Variants in SENP5 observed in about 807,000 individuals in gnomAD.
SENP5 encodes sentrin-specific protease 5.
In SENP5, 21 loss-of-function variants were observed where a neutral mutation model predicts 74.2. That is an observed-to-expected ratio of 0.28 (90% CI 0.20 to 0.41). SENP5 has a LOEUF of 0.41. Ranked by LOEUF, SENP5 falls within the 10% of genes least tolerant of loss-of-function variation. The pLI, the probability that SENP5 is intolerant of heterozygous loss-of-function variation, is 1.00. For synonymous variants in SENP5, 311 were observed against 312.7 expected (o/e 0.99, Z 0.06); for missense variants, 717 against 889.1 (o/e 0.81, Z 2.46).
chr3:196,874,905 T>C (rs189764774), intron 1 of SENP5, among the ~76,000 whole-genome samples: 1 of 152,230 alleles, frequency 6.6e-6, no homozygotes, highest in Non-Finnish European at 1.5e-5. Context: ...CTTGGGCTAT[T>C]GCCCTAGGGT....
intron 2 of SENP5, among the ~76,000 whole-genome samples, chr3:196,896,424 A>G (rs569080888): frequency 6.6e-6 from 1 of 151,874 alleles, no homozygotes; most frequent in South Asian, 2.1e-4. Context: ...CAACCTCTCA[A>G]AGCTTCTAAT....
At chr3:196,898,652 C>T (rs1451368430) in intron 2 of SENP5, among the ~76,000 whole-genome samples, 3 of 151,962 alleles carry the variant, frequency 2.0e-5, no homozygotes, top group African/African-American at 7.3e-5. Flanking sequence ...TGGTGGCTCA[C>T]GCCTGTAATC....
intron 1 of SENP5, among the ~76,000 whole-genome samples, chr3:196,877,320 A>G (rs891051836): frequency 6.6e-6 from 1 of 152,068 alleles, no homozygotes; most frequent in East Asian, 1.9e-4. Context: ...GAAGCTGGCC[A>G]TTACTGGTGC....
intron 9 of SENP5, 57 bp downstream of exon 9, chr3:196,929,740 G>A: frequency 4.3e-6 from 5 of 1,174,992 alleles, no homozygotes; most frequent in Non-Finnish European, 6.4e-6. Context: ...CTGTTGGGTT[G>A]AGAGGGGAGA....
At position 196,929,880 on chromosome 3, in the gene SENP5, G is replaced by C. The variant is rs1025475461; in HGVS notation, c.2157+197G>C. The stretch of plus-strand genomic sequence containing the variant: ...TCATTAGGAAGAACCACCTTCCAGG[G>C]ATCAAGAGTGAAGTGTGGGTGTCAT... On this transcript the variant is annotated intron_variant, in intron 9 of 9. Coordinates refer to ENST00000323460, the MANE Select transcript of SENP5 (RefSeq NM_152699.5). Among the ~76,000 whole-genome samples, 4 of 151,916 alleles carry C rather than the reference G, an allele frequency of 2.6e-5. No homozygotes were observed. The South Asian group carries it at 8.3e-4, about 31-fold the overall frequency.
chr3:196,915,525 A>G (rs1283211170), intron 6 of SENP5, among the ~76,000 whole-genome samples: 1 of 152,158 alleles, frequency 6.6e-6, no homozygotes, highest in Non-Finnish European at 1.5e-5. Context: ...TTTACCACCT[A>G]CTGAGTAAAG....
At chr3:196,870,164 G>C (rs2108800414) in intron 1 of SENP5, among the ~76,000 whole-genome samples, 1 of 152,268 alleles carries the variant, frequency 6.6e-6, no homozygotes, top group African/African-American at 2.4e-5. Context: ...TTCTTGGTTA[G>C]ATTGTACTCT....
chr3:196,897,750 A>T (rs769424017), intron 2 of SENP5, among the ~76,000 whole-genome samples: 10 of 152,252 alleles, frequency 6.6e-5, no homozygotes, highest in South Asian at 2.1e-4. Flanking sequence ...CAGCAGACTT[A>T]ACCGTCAGAC....
chr3:196,879,621 T>A (rs1050521629), intron 1 of SENP5, among the ~76,000 whole-genome samples: 4 of 152,194 alleles, frequency 2.6e-5, no homozygotes, highest in African/African-American at 9.7e-5. Flanking sequence ...GCCTGACTCT[T>A]GTTTTTGGAT....
intron 6 of SENP5, among the ~76,000 whole-genome samples, chr3:196,906,301 T>C (rs1714901700): frequency 6.6e-6 from 1 of 152,214 alleles, no homozygotes; most frequent in South Asian, 2.1e-4. Flanking sequence ...CCAAATTTAT[T>C]ATTTTACAGT....
intron 1 of SENP5, among the ~76,000 whole-genome samples, chr3:196,879,231 A>G (rs2108810118): frequency 6.6e-6 from 1 of 152,364 alleles, no homozygotes; most frequent in Non-Finnish European, 1.5e-5. Context: ...GGTATGGAGT[A>G]TCTGGTTGAG....
intron 6 of SENP5, chr3:196,914,586 A>AAAAAAAAAAAAAAATATAT: frequency 1.8e-4 from 6 of 33,496 alleles, no homozygotes; most frequent in African/African-American, 7.2e-4. Flanking sequence ...AAAAAAAAAA[A>AAAAAAAAAAAAAAATATAT]ATATATATAT....
In SENP5 at chr3:196,885,352, C is replaced by A. The variant is rs2108816460; in HGVS notation, c.171C>A (p.Phe57Leu). Residue 57 changes from phenylalanine to leucine, a missense_variant, in exon 2 of 10, where the codon TTC (phenylalanine) becomes TTA (leucine). Around this residue, in one of 4 missense-constraint regions of SENP5, gnomAD observed 567 missense variants for 577.4 expected, o/e 0.98. Coordinates refer to ENST00000323460, the MANE Select transcript of SENP5 (RefSeq NM_152699.5). Reference sequence around the variant, plus strand: ...CTTGGAATAGACAGTTGAGACATTTCCAGGGTAGAAAGAAAGCTCTTCAAA... The same window carrying A: ...CTTGGAATAGACAGTTGAGACATTTACAGGGTAGAAAGAAAGCTCTTCAAA... ...PVTWNRQLRH[F>L]QGRKKALQIQ... 6.2e-7 allele frequency: 1 copy of A among 1,614,140 alleles called. No homozygotes were observed. Among genetic ancestry groups the A allele is most frequent in the South Asian group, 1.1e-5 (1 of 91,080 alleles).
chr3:196,917,777 A>G (rs754026781), intron 6 of SENP5, among the ~76,000 whole-genome samples: 2 of 152,226 alleles, frequency 1.3e-5, no homozygotes, highest in African/African-American at 4.8e-5. Flanking sequence ...GGATTTTGTC[A>G]ATATCAGACC....
At chr3:196,891,498 G>T (rs1278873870) in intron 2 of SENP5, among the ~76,000 whole-genome samples, 1 of 152,160 alleles carries the variant, frequency 6.6e-6, no homozygotes, top group Non-Finnish European at 1.5e-5. Context: ...GGCCATGGTG[G>T]CTCACATCTG....
At chr3:196,878,171 T>C (rs959487923) in intron 1 of SENP5, among the ~76,000 whole-genome samples, 2 of 152,186 alleles carry the variant, frequency 1.3e-5, no homozygotes, top group Non-Finnish European at 2.9e-5. Context: ...GGAGAGAGCC[T>C]TCAAATAGTC....
chr3:196,887,328 C>T lies in SENP5; in HGVS notation c.1513+634C>T, dbSNP rs952078042. On this transcript the variant is annotated intron_variant, in intron 2 of 9. Coordinates refer to ENST00000323460, the MANE Select transcript of SENP5 (RefSeq NM_152699.5). ...CCGAGTAGTTGGGATTACAGGCACCCGCCACCATGCCTGGCTAATTTTTGT... is the reference window on the plus strand; with the variant it reads ...CCGAGTAGTTGGGATTACAGGCACCTGCCACCATGCCTGGCTAATTTTTGT... Among the ~76,000 whole-genome samples, 4 of 152,056 alleles carry T rather than the reference C, an allele frequency of 2.6e-5. 1 individual carries two copies. Among genetic ancestry groups the T allele is most frequent in the South Asian group, 4.2e-4 (2 of 4,802 alleles).
At chr3:196,894,486 T>C (rs1394072646) in intron 2 of SENP5, among the ~76,000 whole-genome samples, 2 of 152,012 alleles carry the variant, frequency 1.3e-5, no homozygotes, top group African/African-American at 2.4e-5. Context: ...CCTCATTCTT[T>C]ACACCAAAAT....
At chr3:196,923,740 C>T (rs1286954413) in intron 7 of SENP5, among the ~76,000 whole-genome samples, 189 bp downstream of exon 7, 1 of 152,178 alleles carries the variant, frequency 6.6e-6, no homozygotes, top group Non-Finnish European at 1.5e-5. Context: ...GTCTAGGATC[C>T]AGATCCCCCT....
Sources: gnomAD v4.1 joint callset for allele counts (sites outside exome capture counted in the v4.1 genomes callset) on GRCh38, gnomAD v4.1.1 for gene constraint, gnomAD v4.1.1 regional missense constraint, MANE v1.5 for transcripts, NCBI Gene and HGNC (gene_info 2026-07-23, HGNC 2026-07-21) for gene names.